Variants in OGFOD2 observed in about 807,000 individuals in gnomAD.
The protein encoded by OGFOD2 is 2-oxoglutarate and iron dependent oxygenase domain containing 2.
A neutral mutation model predicts 31.1 loss-of-function variants in OGFOD2; 34 were observed. That is an observed-to-expected ratio of 1.09 (90% CI 0.83 to 1.45). The LOEUF is 1.45. Among genes scored for constraint, OGFOD2 ranks in the 40% most tolerant of loss-of-function variants. The pLI, the probability that OGFOD2 is intolerant of heterozygous loss-of-function variation, is 0.00. For synonymous variants in OGFOD2, 240 were observed against 192.3 expected (o/e 1.25, Z -2.05); for missense variants, 537 against 433.9 (o/e 1.24, Z -2.11).
At chr12:122,976,552 G>A (rs1450058309) in intron 2 of OGFOD2, 102 bp from the exon 3 acceptor site, 2 of 1,308,272 alleles carry the variant, frequency 1.5e-6, no homozygotes, top group Non-Finnish European at 2.2e-6. Flanking sequence ...TTGGCTTCCA[G>A]CCTGGGCCCT....
chr12:122,978,926 C>T (rs1243826449), exon 6 of OGFOD2: 1 of 1,613,310 alleles, frequency 6.2e-7, no homozygotes, highest in Non-Finnish European at 8.5e-7. Flanking sequence ...TGGGCTGCCA[C>T]TATGATAATG....
rs202111860 is a variant in OGFOD2, at chr12:122,976,722, G to A, written c.258G>A (p.Ala86=). Residue 86 remains alanine, a synonymous_variant, in exon 3 of 7, where the codon GCG becomes GCA. Transcript: ENST00000228922. Reference sequence around the variant, plus strand: ...CAGCAGCTAGGAAAGCCCTCATCGCGAGTTCCTACCACCCGGCACGGCCTG... The same window carrying A: ...CAGCAGCTAGGAAAGCCCTCATCGCAAGTTCCTACCACCCGGCACGGCCTG... 366 of 1,613,870 alleles carry A rather than the reference G, an allele frequency of 2.3e-4. 2 individuals carry two copies. Among genetic ancestry groups the A allele is most frequent in the Admixed American group, 1.3e-4 (8 of 60,012 alleles).
chr12:122,974,998 C>T (rs1477679603), upstream of OGFOD2: 3 of 376,552 alleles, frequency 8.0e-6, no homozygotes, highest in Admixed American at 4.2e-5. Flanking sequence ...CCCAGTTCAG[C>T]TGTCTGTAAA....
chr12:122,979,552 G>A (rs2037553085), exon 7 of OGFOD2: 4 of 652,432 alleles, frequency 6.1e-6, no homozygotes, highest in South Asian at 4.3e-5. Flanking sequence ...AGGGAGTCAG[G>A]GAAGCAGGGG....
Position 122,975,810 on chromosome 12 carries a change from G to C in OGFOD2, c.133-1G>C, listed in dbSNP as rs770361667. Reference sequence around the variant, plus strand: ...ATGCTCAGTGTTCTTTCTGCTCCCAGATCCTGCGCAGCCGAGGCTGTGTTA... The same window carrying C: ...ATGCTCAGTGTTCTTTCTGCTCCCACATCCTGCGCAGCCGAGGCTGTGTTA... On this transcript the variant is annotated splice_acceptor_variant, in intron 1 of 6. Transcript: ENST00000228922. LOFTEE classifies it high-confidence loss of function. 17 of 702,814 alleles carry C rather than the reference G, an allele frequency of 2.4e-5. No homozygotes were observed. The highest frequency in any genetic ancestry group is 2.2e-4 in the South Asian group (15 of 67,602). 43.5% of individuals were successfully genotyped at this position (702,814 alleles called of 1,614,324 possible).
chr12:122,978,782 GC>G lies in OGFOD2; in HGVS notation c.563del (p.Pro188ArgfsTer2), dbSNP rs754275055. 16 of 1,610,824 alleles carry G rather than the reference GC, an allele frequency of 9.9e-6. No individual in the cohort carries two copies. The African/African-American group carries it at 2.0e-4, about 20-fold the overall frequency. ...TGCTGCACGAGCTCGGGCTGGACGA[GC>G]CGCTGATGACACCACTGCGGGAGCG... On this transcript the variant is annotated frameshift_variant, in exon 6 of 7. Coordinates refer to ENST00000228922, the Ensembl canonical transcript of OGFOD2. LOFTEE classifies it high-confidence loss of function.
chr12:122,975,538 A>G (rs2037391914), intron 1 of OGFOD2, 155 bp downstream of exon 1: 2 of 595,178 alleles, frequency 3.4e-6, no homozygotes, highest in Non-Finnish European at 6.0e-6. Flanking sequence ...TTCTCACCGT[A>G]AAGGGGTAAT....
chr12:122,975,768 C>T (rs779345832), intron 1 of OGFOD2, 43 bp from the exon 2 acceptor site: 4 of 692,818 alleles, frequency 5.8e-6, no homozygotes, highest in Admixed American at 2.0e-5. Flanking sequence ...GAAGGGATTT[C>T]CTCAGGTCAT....
intron 2 of OGFOD2, 134 bp from the exon 3 acceptor site, chr12:122,976,520 G>T: frequency 7.5e-7 from 1 of 1,334,548 alleles, no homozygotes. Context: ...GACCCAGATA[G>T]ATTCAGGAGT....
chr12:122,978,268 G>A (rs2037491502), intron 4 of OGFOD2, 174 bp from the exon 5 acceptor site: 1 of 716,936 alleles, frequency 1.4e-6, no homozygotes, highest in Admixed American at 2.9e-5. Flanking sequence ...ATAAGTGGGG[G>A]GCATGGGAAT....
At chr12:122,976,480 C>T in intron 2 of OGFOD2, 174 bp from the exon 3 acceptor site, 1 of 1,502,520 alleles carries the variant, frequency 6.7e-7, no homozygotes, top group Non-Finnish European at 9.2e-7. Context: ...CTAGAAGTCC[C>T]TTTCAGCTAA....
At chr12:122,978,893 C>T (rs918909344) in exon 6 of OGFOD2, 53 of 1,612,580 alleles carry the variant, frequency 3.3e-5, no homozygotes, top group Admixed American at 2.8e-4. Context: ...TGGTCAAATA[C>T]GCACCGGGCC....
upstream of OGFOD2, chr12:122,975,114 C>G (rs548502599): frequency 3.7e-5 from 19 of 510,976 alleles, no homozygotes; most frequent in Non-Finnish European, 6.4e-5. Flanking sequence ...AGACCGTTTC[C>G]TGGCGAGGTG....
rs369701433 is a variant in OGFOD2 at position 122,978,484 on chromosome 12, T to C, written c.446T>C (p.Phe149Ser). Residue 149 changes from phenylalanine (F) to serine (S), a missense_variant, in exon 5 of 7, where the codon TTC becomes TCC. Transcript: ENST00000228922. ...CGGGTGCCTGTTTTCACAGCGCCCT[T>C]CTGCCAGGCCCTGCTGGAAGAGCTG... The C allele has an allele frequency of 1.5e-4, 238 of 1,613,470 alleles. No homozygotes were observed. The highest frequency in any genetic ancestry group is 8.2e-4 in the Middle Eastern group (5 of 6,080).
chr12:122,977,329 A>T (rs2037464447), intron 4 of OGFOD2: 1 of 337,960 alleles, frequency 3.0e-6, no homozygotes. Context: ...CCAGTAAGGA[A>T]TGGCAAAGCC....
At chr12:122,978,562 A>G (rs2037501609) in exon 5 of OGFOD2, 3 of 1,612,438 alleles carry the variant, frequency 1.9e-6, no homozygotes, top group Non-Finnish European at 1.7e-6. Context: ...ACCATGAACA[A>G]CTACGGGGTG....
At chr12:122,975,272 G>A in exon 1 of OGFOD2, 3 of 687,118 alleles carry the variant, frequency 4.4e-6, no homozygotes, top group South Asian at 1.5e-5. Context: ...TGGGGGCTCC[G>A]CGGCACTTCT....
At chr12:122,977,011 G>A (rs2037454254) in intron 4 of OGFOD2, 41 bp downstream of exon 4, 2 of 1,581,926 alleles carry the variant, frequency 1.3e-6, no homozygotes. Context: ...CCAGGGAATG[G>A]CAGCCTGGGA....
chr12:122,975,828 C>T lies in OGFOD2; in HGVS notation c.150C>T (p.Gly50=), dbSNP rs745569255. 42 of 702,892 alleles carry T rather than the reference C, an allele frequency of 6.0e-5. No homozygotes were observed. The South Asian group carries it at 6.2e-4, about 10-fold the overall frequency. 43.5% of individuals were successfully genotyped at this position (702,892 alleles called of 1,614,324 possible). ...GCTCCCAGATCCTGCGCAGCCGAGGCTGTGTTAGCGCCAAGGACTTCCAGC... is the reference window on the plus strand; with the variant it reads ...GCTCCCAGATCCTGCGCAGCCGAGGTTGTGTTAGCGCCAAGGACTTCCAGC... Residue 50 remains glycine, a synonymous_variant, in exon 2 of 7, where the codon GGC becomes GGT. Transcript: ENST00000228922.
Sources: gnomAD v4.1 joint callset for allele counts on GRCh38, gnomAD v4.1.1 for gene constraint, MANE v1.5 for transcripts, NCBI Gene and HGNC (gene_info 2026-07-23, HGNC 2026-07-21) for gene names.